Variants in PDSS2 observed in about 807,000 individuals in gnomAD.
PDSS2 encodes the protein all trans-polyprenyl-diphosphate synthase PDSS2.
Under a neutral mutation model 44.5 loss-of-function variants are expected in PDSS2, and 31 were observed. The ratio of observed to expected loss-of-function variants is 0.70; its 90% CI spans 0.52 to 0.94. PDSS2 has a LOEUF of 0.94. Ranked by LOEUF, PDSS2 falls within the 40% of genes least tolerant of loss-of-function variation. The pLI is 0.00. For missense variants in PDSS2, 452 were observed against 482.2 expected (o/e 0.94, Z 0.59); for synonymous variants, 157 against 180.3 (o/e 0.87, Z 1.03).
intron 7 of PDSS2, among the ~76,000 whole-genome samples, chr6:107,170,384 G>A (rs1309247657): frequency 2.0e-5 from 3 of 152,124 alleles, no homozygotes; most frequent in Non-Finnish European, 2.9e-5. Flanking sequence ...TCACAGCTTC[G>A]CTTGGCTCGG....
chr6:107,358,940 T>A (rs1039470769), intron 1 of PDSS2, among the ~76,000 whole-genome samples: 1 of 150,912 alleles, frequency 6.6e-6, no homozygotes, highest in African/African-American at 2.4e-5. Flanking sequence ...CTTTTGATTT[T>A]CAAACTGTGA....
intron 2 of PDSS2, among the ~76,000 whole-genome samples, chr6:107,329,227 T>C (rs896462512): frequency 3.3e-5 from 5 of 152,236 alleles, no homozygotes; most frequent in African/African-American, 1.2e-4. Flanking sequence ...CCATGCAGTA[T>C]TCTACTCACT....
intron 4 of PDSS2, among the ~76,000 whole-genome samples, chr6:107,222,010 A>G (rs943885027): frequency 2.0e-5 from 3 of 152,270 alleles, no homozygotes; most frequent in Middle Eastern, 3.4e-3. Context: ...CATGCTTAGG[A>G]TTTCAGATTC....
At chr6:107,328,009 A>C (rs1777601510) in intron 2 of PDSS2, among the ~76,000 whole-genome samples, 1 of 152,250 alleles carries the variant, frequency 6.6e-6, no homozygotes, top group South Asian at 2.1e-4. Context: ...GTTATACAGA[A>C]GATCCAGTCA....
At chr6:107,412,947 A>G (rs1780550681) in intron 1 of PDSS2, among the ~76,000 whole-genome samples, 1 of 152,166 alleles carries the variant, frequency 6.6e-6, no homozygotes, top group South Asian at 2.1e-4. Flanking sequence ...ACTGCTTTTT[A>G]CCATATCCTA....
At chr6:107,371,293 C>A (rs1252470492) in intron 1 of PDSS2, among the ~76,000 whole-genome samples, 1 of 152,124 alleles carries the variant, frequency 6.6e-6, no homozygotes, top group Non-Finnish European at 1.5e-5. Context: ...AGTTATTCAA[C>A]TCAAAGAAGT....
chr6:107,364,597 C>T (rs1309080466), intron 1 of PDSS2, among the ~76,000 whole-genome samples: 1 of 152,228 alleles, frequency 6.6e-6, no homozygotes, highest in Non-Finnish European at 1.5e-5. Context: ...AAGCGCTGCA[C>T]GCAGTCCCGG....
At chr6:107,414,186 A>C (rs575540982) in intron 1 of PDSS2, among the ~76,000 whole-genome samples, 24 of 152,382 alleles carry the variant, frequency 1.6e-4, no homozygotes, top group African/African-American at 5.0e-4. Context: ...CAGTTAGGCC[A>C]AATAGGGCTA....
intron 2 of PDSS2, among the ~76,000 whole-genome samples, chr6:107,290,582 C>G (rs1776311002): frequency 6.6e-6 from 1 of 152,156 alleles, no homozygotes; most frequent in Admixed American, 6.6e-5. Context: ...TCACTCTCTT[C>G]TGTGACACTA....
At chr6:107,222,070 G>A (rs1053905797) in intron 4 of PDSS2, among the ~76,000 whole-genome samples, 2 of 152,160 alleles carry the variant, frequency 1.3e-5, no homozygotes, top group Non-Finnish European at 2.9e-5. Flanking sequence ...TGGGTTGGAT[G>A]AGACACCAGA....
chr6:107,371,017 T>C (rs1690227031), intron 1 of PDSS2, among the ~76,000 whole-genome samples: 1 of 152,092 alleles, frequency 6.6e-6, no homozygotes, highest in Non-Finnish European at 1.5e-5. Context: ...ACCCCGTCTC[T>C]ACTAAAAATA....
chr6:107,446,943 G>GC (rs1781701996), intron 1 of PDSS2, among the ~76,000 whole-genome samples: 1 of 151,854 alleles, frequency 6.6e-6, no homozygotes, highest in African/African-American at 2.4e-5. Context: ...CCTTCCAAAA[G>GC]TCCCCCAAAG....
chr6:107,305,256 A>G (rs1363733755), intron 2 of PDSS2, among the ~76,000 whole-genome samples: 1 of 152,076 alleles, frequency 6.6e-6, no homozygotes, highest in African/African-American at 2.4e-5. Flanking sequence ...TGGATCAAGG[A>G]CAACTCTAGA....
Position 107,429,899 on chromosome 6 carries a change from AAAATATAT to A in PDSS2, c.296+29083_296+29090del, listed in dbSNP as rs1478608728. ...AACTTAGTCTCAAAAAAAAAAAAAA[AAAATATAT>A]ATATATATATATATATATATATATA... is the stretch of plus-strand genomic sequence containing the variant. On this transcript the variant is annotated intron_variant, in intron 1 of 7. Transcript: ENST00000369037. Among the ~76,000 whole-genome samples, 7 of 41,412 alleles carry A rather than the reference AAAATATAT, an allele frequency of 1.7e-4. No individual in the cohort carries two copies. The South Asian group carries it at 6.2e-3, about 37-fold the overall frequency. The allele number at this position is 41,412 out of a possible 152,430, so 27.2% of individuals were successfully genotyped here. A position where few individuals can be genotyped will look rare whatever the true frequency, so the allele number is the denominator to read the frequency against.
At chr6:107,436,728 C>G (rs1224055213) in intron 1 of PDSS2, among the ~76,000 whole-genome samples, 6 of 152,068 alleles carry the variant, frequency 3.9e-5, no homozygotes, top group Admixed American at 2.6e-4. Context: ...AGGGTAAGAA[C>G]GTTCCCAACA....
intron 1 of PDSS2, among the ~76,000 whole-genome samples, chr6:107,343,293 T>A (rs1345392118): frequency 1.3e-5 from 2 of 152,168 alleles, no homozygotes; most frequent in African/African-American, 4.8e-5. Flanking sequence ...TACAGACAAC[T>A]GAAACAAAAG....
At chr6:107,426,664 G>C (rs1227309339) in intron 1 of PDSS2, among the ~76,000 whole-genome samples, 1 of 152,222 alleles carries the variant, frequency 6.6e-6, no homozygotes, top group East Asian at 1.9e-4. Context: ...CAGGGGCAGA[G>C]CTGCCCAAGA....
chr6:107,402,567 A>ATGTG (rs1554276841), intron 1 of PDSS2, among the ~76,000 whole-genome samples: 2 of 95,872 alleles, frequency 2.1e-5, no homozygotes, highest in Non-Finnish European at 4.4e-5. Context: ...ATATATATAC[A>ATGTG]TGTGTATATA....
rs189523846 is a variant in PDSS2, at chr6:107,178,560, C to T, written c.1041+15262G>A. 3.9e-5 allele frequency among the ~76,000 whole-genome samples: 6 copies of T among 152,272 alleles called. No homozygotes were observed. The East Asian group carries it at 1.2e-3, about 29-fold the overall frequency. ...TTACACTGGTTCAGCAAACATAAATCCTAGCACAGTCATTTATTAGACAAT... is the reference window on the plus strand; with the variant it reads ...TTACACTGGTTCAGCAAACATAAATTCTAGCACAGTCATTTATTAGACAAT... On this transcript the variant is annotated intron_variant, in intron 7 of 7. Transcript: ENST00000369037.
Sources: gnomAD v4.1 joint callset for allele counts (sites outside exome capture counted in the v4.1 genomes callset) on GRCh38, gnomAD v4.1.1 for gene constraint, MANE v1.5 for transcripts, NCBI Gene and HGNC (gene_info 2026-07-23, HGNC 2026-07-21) for gene names.